The following ATP2C1 variants were observed in gnomAD, a reference collection of about 807,000 sequenced individuals.
ATP2C1 encodes the protein calcium-transporting ATPase type 2C member 1.
Under a neutral mutation model 120.5 loss-of-function variants are expected in ATP2C1, and 31 were observed. That is an observed-to-expected ratio of 0.26 (90% CI 0.19 to 0.35). The LOEUF is 0.35. Ranked by LOEUF, ATP2C1 falls within the 10% of genes least tolerant of loss-of-function variation. The pLI is 1.00. For synonymous variants in ATP2C1, 351 were observed against 358.7 expected, an observed-to-expected ratio of 0.98 and a Z score of 0.24; for missense variants, 731 against 1,107.5, an observed-to-expected ratio of 0.66 and a Z score of 4.83.
chr3:130,911,481 C>A (rs891636886), intron 2 of ATP2C1, among the ~76,000 whole-genome samples: 1 of 150,080 alleles, frequency 6.7e-6, no homozygotes, highest in African/African-American at 2.5e-5. Flanking sequence ...TTATTTCTTG[C>A]CTTCTGCTAG....
chr3:130,881,367 CCT>C (rs2068775586), intron 1 of ATP2C1, among the ~76,000 whole-genome samples: 1 of 151,760 alleles, frequency 6.6e-6, no homozygotes, highest in Non-Finnish European at 1.5e-5. Context: ...TCCTCCTCCC[CCT>C]CCCCCTTCCC....
At chr3:130,913,606 T>C (rs902970334) in intron 2 of ATP2C1, among the ~76,000 whole-genome samples, 2 of 152,170 alleles carry the variant, frequency 1.3e-5, no homozygotes, top group Non-Finnish European at 2.9e-5. Flanking sequence ...GCTGTATTTA[T>C]TTAAGATTTT....
intron 7 of ATP2C1, 31 bp from the exon 8 acceptor site, chr3:130,941,560 T>A (rs763039499): frequency 5.1e-6 from 8 of 1,565,632 alleles, no homozygotes; most frequent in Non-Finnish European, 7.0e-6. Flanking sequence ...TTTTTTTTTT[T>A]AACCATGGTT....
chr3:130,969,244 AAAT>A (rs2061186387), intron 16 of ATP2C1, 45 bp from the exon 17 acceptor site: 1 of 1,388,492 alleles, frequency 7.2e-7, no homozygotes, highest in East Asian at 2.3e-5. Flanking sequence ...TTAAAGGAAA[AAAT>A]AATCACATAT....
At chr3:130,946,085 C>G (rs954012903) in intron 8 of ATP2C1, among the ~76,000 whole-genome samples, 16 of 151,976 alleles carry the variant, frequency 1.1e-4, no homozygotes, top group African/African-American at 3.9e-4. Flanking sequence ...TTTTTTAAAC[C>G]TATTTTTGAT....
chr3:130,917,677 C>T (rs2058746590), intron 2 of ATP2C1, among the ~76,000 whole-genome samples: 2 of 152,318 alleles, frequency 1.3e-5, no homozygotes, highest in South Asian at 4.1e-4. Flanking sequence ...GTAAAGAGAT[C>T]TAGCCTCTTA....
At chr3:130,911,656 T>C (rs962224325) in intron 2 of ATP2C1, among the ~76,000 whole-genome samples, 1 of 152,118 alleles carries the variant, frequency 6.6e-6, no homozygotes, top group African/African-American at 2.4e-5. Context: ...GAATCAATAT[T>C]GTGAAAATGG....
chr3:131,005,927 C>T (rs1020485346), downstream of ATP2C1, among the ~76,000 whole-genome samples: 5 of 152,064 alleles, frequency 3.3e-5, no homozygotes, highest in African/African-American at 1.2e-4. Context: ...TGTAGTAAGA[C>T]ACTTTCTAAG....
At chr3:130,898,868 G>C (rs1009571611) in intron 2 of ATP2C1, among the ~76,000 whole-genome samples, 4 of 152,284 alleles carry the variant, frequency 2.6e-5, no homozygotes, top group Non-Finnish European at 4.4e-5. Context: ...ACTGTGGCTT[G>C]ATGGTAAAGT....
intron 20 of ATP2C1, among the ~76,000 whole-genome samples, chr3:130,988,763 C>G (rs2062147720): frequency 6.6e-6 from 1 of 152,138 alleles, no homozygotes; most frequent in Non-Finnish European, 1.5e-5. Context: ...CAGTTCTAGG[C>G]AAGATTAGGC....
At chr3:130,920,071 C>A (rs1346382390) in intron 2 of ATP2C1, among the ~76,000 whole-genome samples, 1 of 151,974 alleles carries the variant, frequency 6.6e-6, no homozygotes, top group Non-Finnish European at 1.5e-5. Context: ...TATTGGAGTT[C>A]TTTATATATT....
chr3:131,007,424 A>G (rs2063158078), downstream of ATP2C1, among the ~76,000 whole-genome samples: 1 of 152,218 alleles, frequency 6.6e-6, no homozygotes, highest in Non-Finnish European at 1.5e-5. Context: ...ACTTCTTTTC[A>G]TATTTAACCC....
At chr3:130,872,051 C>CAT (rs2068451797) in intron 1 of ATP2C1, among the ~76,000 whole-genome samples, 1 of 149,554 alleles carries the variant, frequency 6.7e-6, no homozygotes. Context: ...AATCTTTAAG[C>CAT]AATGTCTTGG....
At chr3:130,999,738 T>G in intron 27 of ATP2C1, 79 bp downstream of exon 27, 1 of 1,361,368 alleles carries the variant, frequency 7.3e-7, no homozygotes, top group Non-Finnish European at 1.0e-6. Flanking sequence ...AATTTTAAAA[T>G]TCTTTTAAAA....
intron 20 of ATP2C1, among the ~76,000 whole-genome samples, chr3:130,981,068 G>A (rs559295729): frequency 6.6e-6 from 1 of 152,206 alleles, no homozygotes; most frequent in African/African-American, 2.4e-5. Context: ...TTTACATATA[G>A]TAAAATTCGC....
chr3:130,901,593 G>T (rs1387979578), intron 2 of ATP2C1, among the ~76,000 whole-genome samples: 2 of 152,004 alleles, frequency 1.3e-5, no homozygotes, highest in African/African-American at 4.8e-5. Context: ...GTCAGTGAAG[G>T]TGCCATTGAT....
upstream of ATP2C1, chr3:130,893,897 GGGCCGAAGTCTC>G: frequency 1.0e-6 from 1 of 982,190 alleles, no homozygotes; most frequent in Non-Finnish European, 1.2e-6. Flanking sequence ...TGTCCATTCC[GGGCCGAAGTCTC>G]GGCCTTCACT....
At chr3:131,010,595 A>T (rs549887333) in intron 26 of ATP2C1, among the ~76,000 whole-genome samples, 5 of 152,232 alleles carry the variant, frequency 3.3e-5, no homozygotes, top group African/African-American at 1.2e-4. Flanking sequence ...CAAGGGGGAC[A>T]GGTACTCACA....
At chr3:130,934,537 T>C (rs1223049493) in intron 4 of ATP2C1, 85 bp from the exon 5 acceptor site, 4 of 885,652 alleles carry the variant, frequency 4.5e-6, no homozygotes, top group Non-Finnish European at 7.4e-6. Context: ...AGTCATGCTC[T>C]TATGGTTTTT....
Sources: gnomAD v4.1 joint callset for allele counts (sites outside exome capture counted in the v4.1 genomes callset) on GRCh38, gnomAD v4.1.1 for gene constraint, MANE v1.5 for transcripts, NCBI Gene and HGNC (gene_info 2026-07-23, HGNC 2026-07-21) for gene names.